TMEM196: variants seen among roughly 807,000 people sequenced by gnomAD.
TMEM196 encodes transmembrane protein 196.
TMEM196 carries 17 observed loss-of-function variants against 20.0 expected under a neutral mutation model. That is an observed-to-expected ratio of 0.85 (90% CI 0.58 to 1.27). The LOEUF is 1.27. TMEM196 is among the 50% of genes most tolerant of loss of function. The pLI, the probability that TMEM196 is intolerant of heterozygous loss-of-function variation, is 0.00. For synonymous variants in TMEM196, 113 were observed against 88.9 expected (o/e 1.27, Z -1.52); for missense variants, 267 against 223.0 (o/e 1.20, Z -1.26).
At chr7:19,770,740 TTTCCA>T (rs1380809904) in intron 1 of TMEM196, among the ~76,000 whole-genome samples, 1 of 152,224 alleles carries the variant, frequency 6.6e-6, no homozygotes, top group Non-Finnish European at 1.5e-5. Flanking sequence ...CTTATTTGCT[TTTCCA>T]TGAGGTGATT....
chr7:19,732,172 G>C (rs979240009), intron 1 of TMEM196, among the ~76,000 whole-genome samples: 6 of 152,322 alleles, frequency 3.9e-5, no homozygotes, highest in African/African-American at 1.4e-4. Context: ...TACACGTGGG[G>C]ACATGGTCCA....
chr7:19,752,291 T>C (rs992921840), intron 1 of TMEM196, among the ~76,000 whole-genome samples: 5 of 152,208 alleles, frequency 3.3e-5, no homozygotes, highest in Middle Eastern at 3.2e-3. Flanking sequence ...CTGTTTCCAC[T>C]CACCACTTTT....
intron 1 of TMEM196, among the ~76,000 whole-genome samples, chr7:19,768,065 C>T (rs187422899): frequency 5.9e-5 from 9 of 152,026 alleles, no homozygotes; most frequent in Non-Finnish European, 8.8e-5. Context: ...TGTGTGTTGG[C>T]TATGCTGTAA....
chr7:19,741,460 A>T (rs1784578460), intron 1 of TMEM196, among the ~76,000 whole-genome samples: 1 of 152,214 alleles, frequency 6.6e-6, no homozygotes, highest in African/African-American at 2.4e-5. Flanking sequence ...AACTGGGTGC[A>T]ATTAATCATC....
chr7:19,746,440 G>T (rs988145660), intron 1 of TMEM196, among the ~76,000 whole-genome samples: 1 of 152,160 alleles, frequency 6.6e-6, no homozygotes, highest in Admixed American at 6.5e-5. Context: ...AAATGTAGAT[G>T]CTCAATTTTC....
chr7:19,745,492 T>G (rs1784720765), intron 1 of TMEM196, among the ~76,000 whole-genome samples: 1 of 151,966 alleles, frequency 6.6e-6, no homozygotes, highest in African/African-American at 2.4e-5. Flanking sequence ...ATTCTTTTTT[T>G]CCCTCACAAT....
chr7:19,751,761 A>T (rs573332728), intron 1 of TMEM196, among the ~76,000 whole-genome samples: 8 of 152,320 alleles, frequency 5.3e-5, no homozygotes, highest in Admixed American at 5.2e-4. Context: ...AGAATATTTT[A>T]TACTTTTATT....
At chr7:19,755,325 A>C (rs1351668491) in intron 1 of TMEM196, among the ~76,000 whole-genome samples, 1 of 152,188 alleles carries the variant, frequency 6.6e-6, no homozygotes, top group Non-Finnish European at 1.5e-5. Context: ...AATATATATT[A>C]AACCTTTATC....
At chr7:19,733,600 C>T (rs1202299491) in intron 1 of TMEM196, among the ~76,000 whole-genome samples, 1 of 151,576 alleles carries the variant, frequency 6.6e-6, no homozygotes, top group Non-Finnish European at 1.5e-5. Context: ...TTCTCATTTC[C>T]AGGGCCTATT....
chr7:19,752,605 A>ATTTC lies in TMEM196; in HGVS notation c.147+19941_147+19944dup, dbSNP rs542308389. Among the ~76,000 whole-genome samples the ATTTC allele has an allele frequency of 8.7e-4, 131 of 150,194 alleles. 1 individual carries two copies. Among genetic ancestry groups the ATTTC allele is most frequent in the Middle Eastern group, 3.4e-3 (1 of 294 alleles). ...CAATTTTTTTAATTTAATTTTATGTATTTCTTTCTTTCTTTCTTTCTTTTT... is the reference window on the plus strand; with the variant it reads ...CAATTTTTTTAATTTAATTTTATGTATTTCTTTCTTTCTTTCTTTCTTTCTTTTT... On this transcript the variant is annotated intron_variant, in intron 1 of 4. Transcript: ENST00000405844.
intron 1 of TMEM196, among the ~76,000 whole-genome samples, chr7:19,771,905 C>A (rs544271278): frequency 3.3e-5 from 5 of 152,268 alleles, no homozygotes; most frequent in East Asian, 3.9e-4. Context: ...GTTTTTCTAA[C>A]TTACTGTCTA....
chr7:19,762,229 G>T (rs937042924), intron 1 of TMEM196, among the ~76,000 whole-genome samples: 8 of 151,944 alleles, frequency 5.3e-5, no homozygotes, highest in Middle Eastern at 3.4e-3. Context: ...AAGAAAACCC[G>T]TCTCATAGAT....
chr7:19,754,523 T>C (rs910741713), intron 1 of TMEM196, among the ~76,000 whole-genome samples: 4 of 152,232 alleles, frequency 2.6e-5, no homozygotes, highest in African/African-American at 7.2e-5. Context: ...CTTTTACAAG[T>C]AATCTGAAAG....
At chr7:19,742,781 A>G (rs896300773) in intron 1 of TMEM196, among the ~76,000 whole-genome samples, 3 of 152,094 alleles carry the variant, frequency 2.0e-5, no homozygotes, top group Non-Finnish European at 4.4e-5. Context: ...TTGGAATGAC[A>G]TGGGGATACT....
At chr7:19,745,129 T>A (rs1027462021) in intron 1 of TMEM196, among the ~76,000 whole-genome samples, 19 of 152,298 alleles carry the variant, frequency 1.2e-4, no homozygotes, top group Middle Eastern at 3.4e-3. Flanking sequence ...CTTTAAATTA[T>A]CTCTAAATTA....
rs1783800875 is a variant in TMEM196, at chr7:19,721,201, G to A, written c.*927C>T. 1 of 151,844 alleles carries A rather than the reference G, an allele frequency of 6.6e-6. No individual in the cohort carries two copies. The highest frequency in any genetic ancestry group is 1.5e-5 in the Non-Finnish European group (1 of 67,784). 9.4% of individuals were successfully genotyped at this position (151,844 alleles called of 1,614,324 possible). On this transcript the variant is annotated 3_prime_UTR_variant, in exon 5 of 5. Transcript: ENST00000405844. ...AACATGTGATTTTGTGGGCATAGAAGGGCCTTGAGCAATTGCCTTCCCATT... is the reference window on the plus strand; with the variant it reads ...AACATGTGATTTTGTGGGCATAGAAAGGCCTTGAGCAATTGCCTTCCCATT...
chr7:19,755,728 C>T (rs1202077732), intron 1 of TMEM196, among the ~76,000 whole-genome samples: 2 of 152,080 alleles, frequency 1.3e-5, no homozygotes, highest in Non-Finnish European at 2.9e-5. Context: ...TTGTTAATGT[C>T]TTAGCAAAAC....
intron 1 of TMEM196, among the ~76,000 whole-genome samples, chr7:19,749,130 T>C (rs1435751221): frequency 6.6e-6 from 1 of 152,204 alleles, no homozygotes; most frequent in African/African-American, 2.4e-5. Context: ...AAGTATAATA[T>C]TTCCAGAAAT....
intron 1 of TMEM196, among the ~76,000 whole-genome samples, chr7:19,732,420 A>G (rs1784236664): frequency 6.6e-6 from 1 of 152,056 alleles, no homozygotes; most frequent in South Asian, 2.1e-4. Flanking sequence ...TAAAAATACA[A>G]AAATTAGCCG....
Sources: allele counts gnomAD v4.1 joint callset (sites outside exome capture counted in the v4.1 genomes callset), GRCh38; gene constraint gnomAD v4.1.1; transcripts MANE v1.5; gene names NCBI Gene and HGNC (gene_info 2026-07-23, HGNC 2026-07-21).